LHFPL6: variants seen among roughly 807,000 people sequenced by gnomAD.
The protein encoded by LHFPL6 is LHFPL tetraspan subfamily member 6 protein.
Under a neutral mutation model 20.6 loss-of-function variants are expected in LHFPL6, and 9 were observed. The ratio of observed to expected loss-of-function variants is 0.44; its 90% CI spans 0.26 to 0.76. The LOEUF (loss-of-function observed/expected upper bound fraction) is 0.76, where lower values mean the gene tolerates loss of function less well. Ranked by LOEUF, LHFPL6 falls within the 30% of genes least tolerant of loss-of-function variation. The probability of loss-of-function intolerance (pLI) is 0.20; values close to 1 mark genes in which losing one functional copy is unlikely to be tolerated. For synonymous variants in LHFPL6, 105 were observed against 98.7 expected (o/e 1.06, Z -0.38); for missense variants, 218 against 253.5 (o/e 0.86, Z 0.95).
At position 39,600,935 on chromosome 13, in the gene LHFPL6, G is replaced by C; in HGVS notation, c.282C>G (p.Gly94=). 6.2e-7 allele frequency: 1 copy of C among 1,602,686 alleles called. No homozygotes were observed. The highest frequency in any genetic ancestry group is 2.2e-5 in the East Asian group (1 of 44,666). The part of the protein sequence containing the change: ...ICTIVTGLGC[G]LLLLVALTAL... ...CAGTGAGCGCCACCAGGAGGAGGAG[G>C]CCACAACCCAGGCCGGTCACTATGG... The change falls in exon 2 of 4, where the codon GGC becomes GGG. Residue 94 remains glycine (G), a synonymous_variant. Coordinates refer to ENST00000379589, the MANE Select transcript of LHFPL6 (RefSeq NM_005780.3).
At chr13:39,436,119 A>T (rs1871950645) in intron 2 of LHFPL6, among the ~76,000 whole-genome samples, 1 of 152,018 alleles carries the variant, frequency 6.6e-6, no homozygotes, top group Non-Finnish European at 1.5e-5. Flanking sequence ...TGGAGTCCTC[A>T]ACAATTGTTA....
chr13:39,519,365 T>C (rs1041045689), intron 2 of LHFPL6, among the ~76,000 whole-genome samples: 2 of 152,256 alleles, frequency 1.3e-5, no homozygotes, highest in African/African-American at 4.8e-5. Context: ...ATTTGACTTT[T>C]GAACATAATT....
chr13:39,446,646 T>A (rs182706664), intron 2 of LHFPL6, among the ~76,000 whole-genome samples: 2 of 151,718 alleles, frequency 1.3e-5, no homozygotes, highest in African/African-American at 2.4e-5. Flanking sequence ...ACCATCTTCA[T>A]TCTGTAGCTA....
At chr13:39,473,774 T>C (rs1167053798) in intron 2 of LHFPL6, among the ~76,000 whole-genome samples, 1 of 152,218 alleles carries the variant, frequency 6.6e-6, no homozygotes, top group Non-Finnish European at 1.5e-5. Flanking sequence ...GATGTGTCAC[T>C]TGAAGTGCTG....
rs574272904 is a variant in LHFPL6, at chr13:39,493,384, C to T, written c.385+107448G>A. ...CCTCAATGGGCACCAAAGCATTATT[C>T]GTAATACAGTAAGACTGCTAAAAGG... is the stretch of plus-strand genomic sequence containing the variant. On this transcript the variant is annotated intron_variant, in intron 2 of 3. Coordinates refer to ENST00000379589, the MANE Select transcript of LHFPL6 (RefSeq NM_005780.3). Among the ~76,000 whole-genome samples, 34 of 151,292 alleles carry T rather than the reference C, an allele frequency of 2.2e-4. 1 individual carries two copies. The South Asian group carries it at 6.3e-3, about 28-fold the overall frequency.
chr13:39,423,590 A>G (rs1293479321), intron 2 of LHFPL6, among the ~76,000 whole-genome samples: 1 of 152,040 alleles, frequency 6.6e-6, no homozygotes, highest in East Asian at 1.9e-4. Context: ...TGGCTGGCTA[A>G]TTTTTCTCAG....
At chr13:39,408,059 C>T (rs9566426) in intron 2 of LHFPL6, among the ~76,000 whole-genome samples, 41,769 of 151,990 alleles carry the variant, frequency 0.27, 6,074 homozygotes, top group East Asian at 0.4. Flanking sequence ...TGGTCTAAAG[C>T]AGGATGTTTA....
chr13:39,402,231 TTATTA>T (rs1389026140), intron 2 of LHFPL6, among the ~76,000 whole-genome samples: 3 of 152,286 alleles, frequency 2.0e-5, no homozygotes, highest in Middle Eastern at 3.4e-3. Flanking sequence ...AATTAATATT[TTATTA>T]TTTTTTGAGT....
At chr13:39,598,002 G>C (rs1174857456) in intron 2 of LHFPL6, among the ~76,000 whole-genome samples, 1 of 152,184 alleles carries the variant, frequency 6.6e-6, no homozygotes, top group Non-Finnish European at 1.5e-5. Flanking sequence ...TGTTGTTTTT[G>C]GAGCAGCCTA....
At chr13:39,446,627 G>A (rs895835832) in intron 2 of LHFPL6, among the ~76,000 whole-genome samples, 1 of 151,982 alleles carries the variant, frequency 6.6e-6, no homozygotes, top group Non-Finnish European at 1.5e-5. Flanking sequence ...GCTTCCCTAT[G>A]AGGCTGATAC....
At chr13:39,576,774 C>T (rs1566146099) in intron 2 of LHFPL6, among the ~76,000 whole-genome samples, 1 of 151,794 alleles carries the variant, frequency 6.6e-6, no homozygotes, top group African/African-American at 2.4e-5. Flanking sequence ...GCTAGGACTA[C>T]AGGCATGCAC....
chr13:39,349,128 A>G (rs1869490292), intron 3 of LHFPL6, among the ~76,000 whole-genome samples: 2 of 152,186 alleles, frequency 1.3e-5, no homozygotes, highest in South Asian at 4.1e-4. Flanking sequence ...TTAATGTTCA[A>G]TGTGATTTAA....
At chr13:39,445,495 C>A (rs1872262605) in intron 2 of LHFPL6, among the ~76,000 whole-genome samples, 1 of 152,218 alleles carries the variant, frequency 6.6e-6, no homozygotes, top group Non-Finnish European at 1.5e-5. Flanking sequence ...CAGGAGAATG[C>A]TCAGTCTTAG....
At chr13:39,506,120 A>G (rs1869469998) in intron 2 of LHFPL6, among the ~76,000 whole-genome samples, 1 of 152,228 alleles carries the variant, frequency 6.6e-6, no homozygotes, top group Non-Finnish European at 1.5e-5. Flanking sequence ...TTTATACTAC[A>G]CTATGATCTT....
At chr13:39,558,666 C>T (rs1871380621) in intron 2 of LHFPL6, among the ~76,000 whole-genome samples, 1 of 152,152 alleles carries the variant, frequency 6.6e-6, no homozygotes, top group Non-Finnish European at 1.5e-5. Context: ...AAGTTGTATG[C>T]TGGCGTATAA....
chr13:39,414,545 C>T (rs17059863), intron 2 of LHFPL6, among the ~76,000 whole-genome samples: 9,108 of 152,250 alleles, frequency 0.06, 404 homozygotes, highest in East Asian at 0.21. Context: ...AGGGCCCCTG[C>T]ATTTGGTGTT....
intron 2 of LHFPL6, among the ~76,000 whole-genome samples, chr13:39,594,502 G>A (rs371078775): frequency 6.6e-6 from 1 of 152,126 alleles, no homozygotes; most frequent in African/African-American, 2.4e-5. Context: ...AATAGGAACA[G>A]TTTTACACTG....
chr13:39,430,959 T>G (rs1871779577), intron 2 of LHFPL6, among the ~76,000 whole-genome samples: 1 of 152,190 alleles, frequency 6.6e-6, no homozygotes. Flanking sequence ...TAAATCTTGC[T>G]GCTGCTCACT....
intron 3 of LHFPL6, among the ~76,000 whole-genome samples, chr13:39,369,766 T>C (rs1870119424): frequency 6.6e-6 from 1 of 152,088 alleles, no homozygotes; most frequent in African/African-American, 2.4e-5. Flanking sequence ...ATGTGCTTAA[T>C]AAATATTTGC....
Sources: allele counts gnomAD v4.1 joint callset (sites outside exome capture counted in the v4.1 genomes callset), GRCh38; gene constraint gnomAD v4.1.1; transcripts MANE v1.5; gene names NCBI Gene and HGNC (gene_info 2026-07-23, HGNC 2026-07-21).